The following FAXC variants were observed in gnomAD, a reference collection of about 807,000 sequenced individuals.
The protein encoded by FAXC is failed axon connections homolog, metaxin like GST domain containing.
FAXC carries 10 observed loss-of-function variants against 41.9 expected under a neutral mutation model. That is an observed-to-expected ratio of 0.24 (90% confidence interval 0.15 to 0.41). FAXC has a LOEUF of 0.41. Among genes scored for constraint, FAXC ranks in the 10% least tolerant of loss-of-function variants. The pLI is 1.00. For synonymous variants in FAXC, 183 were observed against 183.8 expected, an observed-to-expected ratio of 1.00 and a Z score of 0.03; for missense variants, 399 against 510.9, an observed-to-expected ratio of 0.78 and a Z score of 2.11.
intron 5 of FAXC, among the ~76,000 whole-genome samples, 200 bp downstream of exon 5, chr6:99,291,504 G>A (rs1047714442): frequency 2.0e-5 from 3 of 152,202 alleles, no homozygotes; most frequent in Non-Finnish European, 4.4e-5. Context: ...GGGCAAGACA[G>A]CAGGTGAGAA....
chr6:99,342,268 A>G (rs17059418), intron 2 of FAXC, among the ~76,000 whole-genome samples: 57,708 of 152,012 alleles, frequency 0.38, 11,363 homozygotes, highest in South Asian at 0.56. Flanking sequence ...AACCTAAAGT[A>G]AAAAACCACA....
At chr6:99,339,079 T>C (rs1284153391) in intron 2 of FAXC, among the ~76,000 whole-genome samples, 1 of 152,060 alleles carries the variant, frequency 6.6e-6, no homozygotes, top group East Asian at 1.9e-4. Context: ...CTTCCCCTCT[T>C]CTCTACAGAA....
chr6:99,322,095 A>G (rs138748837), intron 4 of FAXC, among the ~76,000 whole-genome samples: 5 of 152,370 alleles, frequency 3.3e-5, no homozygotes, highest in Admixed American at 6.5e-5. Context: ...TCACATCTAC[A>G]TCAAGCAGGT....
chr6:99,346,269 C>T (rs1385545821), intron 1 of FAXC, among the ~76,000 whole-genome samples: 1 of 152,188 alleles, frequency 6.6e-6, no homozygotes, highest in Non-Finnish European at 1.5e-5. Flanking sequence ...CTTTGCCCCT[C>T]CACTCCTCTT....
chr6:99,348,485 T>A (rs931966257), intron 1 of FAXC, among the ~76,000 whole-genome samples: 12 of 152,194 alleles, frequency 7.9e-5, no homozygotes, highest in African/African-American at 2.9e-4. Context: ...AACACACCCA[T>A]GTGCTAGCCT....
At chr6:99,293,904 A>C (rs1347487732) in intron 4 of FAXC, among the ~76,000 whole-genome samples, 4 of 152,122 alleles carry the variant, frequency 2.6e-5, no homozygotes, top group Non-Finnish European at 4.4e-5. Context: ...AAGCTGAGGA[A>C]ACTGAGTATC....
rs1016997094 is a variant in FAXC at position 99,277,194 on chromosome 6, A to G, written c.*3970T>C. 2 of 152,304 alleles carry G rather than the reference A, an allele frequency of 1.3e-5. No homozygotes were observed. The highest frequency in any genetic ancestry group is 4.8e-5 in the African/African-American group (2 of 41,456). The allele number at this position is 152,304 out of a possible 1,614,324, so 9.4% of individuals were successfully genotyped here. A position where few individuals can be genotyped will look rare whatever the true frequency, so the allele number is the denominator to read the frequency against. ...ATGGAGGAGCTATGGAGACAAGGTG[A>G]ACAAAGGTGAAAACACCAGACCCTA... On this transcript the variant is annotated 3_prime_UTR_variant, in exon 6 of 6. Transcript: ENST00000389677.
chr6:99,341,675 C>T (rs998240789), intron 2 of FAXC, among the ~76,000 whole-genome samples: 4 of 152,118 alleles, frequency 2.6e-5, no homozygotes, highest in Admixed American at 2.0e-4. Context: ...AATATTTTAA[C>T]ATGCTCCTTT....
At chr6:99,297,891 T>C (rs1358154466) in intron 4 of FAXC, among the ~76,000 whole-genome samples, 1 of 152,176 alleles carries the variant, frequency 6.6e-6, no homozygotes, top group Non-Finnish European at 1.5e-5. Flanking sequence ...CACGCCTCTG[T>C]TAAATCCCAG....
intron 2 of FAXC, among the ~76,000 whole-genome samples, chr6:99,342,191 G>A (rs1056382008): frequency 6.6e-6 from 1 of 152,126 alleles, no homozygotes; most frequent in Admixed American, 6.5e-5. Flanking sequence ...TATCTACCTC[G>A]TGGCCTACTG....
intron 4 of FAXC, among the ~76,000 whole-genome samples, chr6:99,306,875 A>G (rs371407892): frequency 1.1e-3 from 170 of 152,314 alleles, no homozygotes; most frequent in African/African-American, 3.9e-3. Context: ...AAGTGCCTGC[A>G]TGTGTTAGTA....
chr6:99,316,576 T>C (rs1026489309), intron 4 of FAXC, among the ~76,000 whole-genome samples: 8 of 152,202 alleles, frequency 5.3e-5, no homozygotes, highest in African/African-American at 1.9e-4. Context: ...CCTCAACACA[T>C]GCCTGTCTCT....
chr6:99,299,012 C>G (rs1275189463), intron 4 of FAXC, among the ~76,000 whole-genome samples: 1 of 152,236 alleles, frequency 6.6e-6, no homozygotes. Flanking sequence ...TATACTGAAA[C>G]AAAATGGTCT....
chr6:99,316,122 A>C (rs1164925851), intron 4 of FAXC, among the ~76,000 whole-genome samples: 2 of 152,102 alleles, frequency 1.3e-5, no homozygotes, highest in African/African-American at 4.8e-5. Context: ...TAGAGAGATC[A>C]AGAGAAGAAA....
At chr6:99,349,820 C>G (rs1283636213), upstream of FAXC, among the ~76,000 whole-genome samples, 1 of 152,004 alleles carries the variant, frequency 6.6e-6, no homozygotes, top group Non-Finnish European at 1.5e-5. Context: ...GGGCAGGCTC[C>G]GCGCCTCCGG....
intron 4 of FAXC, among the ~76,000 whole-genome samples, chr6:99,304,200 C>T (rs1204342042): frequency 6.6e-6 from 1 of 151,988 alleles, no homozygotes; most frequent in Non-Finnish European, 1.5e-5. Context: ...GCAGGAGAAT[C>T]GCTTGAATCC....
chr6:99,290,757 T>C (rs997856877), intron 5 of FAXC, among the ~76,000 whole-genome samples: 3 of 151,738 alleles, frequency 2.0e-5, no homozygotes, highest in African/African-American at 7.3e-5. Flanking sequence ...ACTCACAAAG[T>C]ATTTGTTGAC....
chr6:99,319,438 G>C (rs1772511798), intron 4 of FAXC, among the ~76,000 whole-genome samples: 1 of 147,402 alleles, frequency 6.8e-6, no homozygotes, highest in Non-Finnish European at 1.5e-5. Context: ...CCCTCCAACT[G>C]TCAGCTCTCA....
chr6:99,280,857 G>C lies in FAXC; in HGVS notation c.*307C>G, dbSNP rs574652457. ...AAGAGGATCATCATAAAAACTATCAGCTGACAACCAGCTCTTACACCTGCT... is the reference window on the plus strand; with the variant it reads ...AAGAGGATCATCATAAAAACTATCACCTGACAACCAGCTCTTACACCTGCT... On this transcript the variant is annotated 3_prime_UTR_variant, in exon 6 of 6. Coordinates refer to ENST00000389677, the MANE Select transcript of FAXC (RefSeq NM_032511.4). The C allele has an allele frequency of 6.6e-5, 16 of 242,056 alleles. No individual in the cohort carries two copies. The Admixed American group carries it at 7.1e-4, about 11-fold the overall frequency. The allele number at this position is 242,056 out of a possible 1,614,324, so 15.0% of individuals were successfully genotyped here.
Sources: gnomAD v4.1 joint callset for allele counts (sites outside exome capture counted in the v4.1 genomes callset) on GRCh38, gnomAD v4.1.1 for gene constraint, MANE v1.5 for transcripts, NCBI Gene and HGNC (gene_info 2026-07-23, HGNC 2026-07-21) for gene names.